Variants in PLXNA4 observed in about 807,000 individuals in gnomAD.
PLXNA4 encodes the protein plexin-A4.
PLXNA4 carries 44 observed loss-of-function variants against 191.8 expected under a neutral mutation model. The ratio of observed to expected loss-of-function variants is 0.23; its 90% CI spans 0.18 to 0.29. The LOEUF (loss-of-function observed/expected upper bound fraction) is 0.29. PLXNA4 is among the 10% of genes least tolerant of loss of function. PLXNA4 has a pLI of 1.00. For missense variants in PLXNA4, 1,800 were observed against 2,488.8 expected (o/e 0.72, Z 5.89); for synonymous variants, 1,082 against 1,009.5 (o/e 1.07, Z -1.36).
At chr7:132,220,344 A>G (rs141435196) in intron 9 of PLXNA4, among the ~76,000 whole-genome samples, 13 of 152,294 alleles carry the variant, frequency 8.5e-5, no homozygotes, top group African/African-American at 2.9e-4. Context: ...TGGCCCTGGG[A>G]TTGAGCTGGG....
At chr7:132,203,170 G>A (rs192583663) in intron 11 of PLXNA4, among the ~76,000 whole-genome samples, 153 bp downstream of exon 11, 6 of 152,232 alleles carry the variant, frequency 3.9e-5, no homozygotes, top group Non-Finnish European at 8.8e-5. Flanking sequence ...AAGCACAGAT[G>A]GTGGAGAGGC....
At chr7:132,439,020 A>G (rs577760231) in intron 3 of PLXNA4, among the ~76,000 whole-genome samples, 22 of 152,356 alleles carry the variant, frequency 1.4e-4, no homozygotes, top group African/African-American at 5.3e-4. Flanking sequence ...ATTACCGTGT[A>G]TAACGTGCTT....
chr7:132,137,093 G>T (rs1795134878), intron 30 of PLXNA4, among the ~76,000 whole-genome samples: 1 of 152,190 alleles, frequency 6.6e-6, no homozygotes, highest in African/African-American at 2.4e-5. Flanking sequence ...ATGAATTAAT[G>T]AATATGTTAA....
chr7:132,203,316 T>A lies in PLXNA4; in HGVS notation c.2395+7A>T. On this transcript the variant is annotated splice_region_variant and intron_variant, in intron 11 of 31. Transcript: ENST00000321063. The stretch of plus-strand genomic sequence containing the variant: ...CCCTCCCCTGCTAGGCCCCAGCCCT[T>A]CCACACCTTTATTCTGAGCTGGGTT... 1 of 1,606,840 alleles carries A rather than the reference T, an allele frequency of 6.2e-7. No homozygotes were observed. The highest frequency in any genetic ancestry group is 8.5e-7 in the Non-Finnish European group (1 of 1,173,774).
At chr7:132,202,440 A>G (rs1562917820) in intron 12 of PLXNA4, among the ~76,000 whole-genome samples, 1 of 152,170 alleles carries the variant, frequency 6.6e-6, no homozygotes, top group Non-Finnish European at 1.5e-5. Context: ...AGGATAGTCG[A>G]GCCCCAAAAA....
chr7:132,266,094 A>G (rs2305328), intron 4 of PLXNA4, among the ~76,000 whole-genome samples: 43,305 of 152,080 alleles, frequency 0.28, 6,403 homozygotes, highest in Admixed American at 0.41. Flanking sequence ...GCTGGAACCC[A>G]AACTGAATCC....
intron 2 of PLXNA4, among the ~76,000 whole-genome samples, chr7:132,645,011 G>A (rs545198872): frequency 1.3e-5 from 2 of 152,218 alleles, no homozygotes; most frequent in African/African-American, 4.8e-5. Context: ...ACCACACCCA[G>A]TGGCTCTGGG....
At chr7:132,259,436 C>CAAAAAAAAAAAA (rs55902635) in intron 4 of PLXNA4, among the ~76,000 whole-genome samples, 35 of 33,860 alleles carry the variant, frequency 1.0e-3, no homozygotes, top group African/African-American at 1.2e-3. Context: ...AACTCCAACT[C>CAAAAAAAAAAAA]AAAAAAAAAA....
At chr7:132,546,721 A>G (rs118062754) in intron 1 of PLXNA4, among the ~76,000 whole-genome samples, 1,542 of 152,320 alleles carry the variant, frequency 0.01, 16 homozygotes, top group Non-Finnish European at 0.016. Flanking sequence ...CTGATTGATT[A>G]TCAGATCCAC....
chr7:132,567,909 G>T (rs1031665014), intron 1 of PLXNA4, among the ~76,000 whole-genome samples: 2 of 152,180 alleles, frequency 1.3e-5, no homozygotes, highest in African/African-American at 4.8e-5. Flanking sequence ...GCAGGCCCAC[G>T]TCTCTAGGTC....
rs528247323 is a variant in PLXNA4, at chr7:132,501,617, C to A, written c.1188+5889G>T. On this transcript the variant is annotated intron_variant, in intron 2 of 31. Transcript: ENST00000321063. Reference sequence around the variant, plus strand: ...GCTACCTGTCACACAAAGCACCATGCACACTAGTCTGGGATGGGACTTTTA... The same window carrying A: ...GCTACCTGTCACACAAAGCACCATGAACACTAGTCTGGGATGGGACTTTTA... Among the ~76,000 whole-genome samples, 8 of 152,344 alleles carry A rather than the reference C, an allele frequency of 5.3e-5. No individual in the cohort carries two copies. In the South Asian group the frequency reaches 1.0e-3, roughly 20 times the overall value.
intron 21 of PLXNA4, among the ~76,000 whole-genome samples, chr7:132,171,511 G>A (rs989207686): frequency 4.6e-5 from 7 of 152,170 alleles, no homozygotes; most frequent in African/African-American, 9.7e-5. Context: ...CAGACTGGCC[G>A]GCTAAGGGAG....
chr7:132,549,032 C>G (rs1800436256), intron 1 of PLXNA4, among the ~76,000 whole-genome samples: 1 of 152,170 alleles, frequency 6.6e-6, no homozygotes, highest in African/African-American at 2.4e-5. Flanking sequence ...TGGAGGAACC[C>G]TCAGTTCTGG....
chr7:132,481,867 T>C (rs1453917260), intron 3 of PLXNA4, among the ~76,000 whole-genome samples: 2 of 152,166 alleles, frequency 1.3e-5, no homozygotes, highest in Non-Finnish European at 2.9e-5. Context: ...GTTGAGGAAG[T>C]TTCCTCACCC....
At chr7:132,507,314 C>G (rs1010499908) in intron 2 of PLXNA4, among the ~76,000 whole-genome samples, 192 bp downstream of exon 2, 5 of 152,182 alleles carry the variant, frequency 3.3e-5, no homozygotes, top group African/African-American at 1.2e-4. Flanking sequence ...CACTCTGACT[C>G]TTATACATTC....
At chr7:132,271,942 A>G (rs1336482190) in intron 4 of PLXNA4, among the ~76,000 whole-genome samples, 1 of 152,364 alleles carries the variant, frequency 6.6e-6, no homozygotes, top group African/African-American at 2.4e-5. Context: ...GGTAGAGGTG[A>G]AAAAACAGAT....
chr7:132,611,133 A>G (rs1803038285), intron 2 of PLXNA4, among the ~76,000 whole-genome samples: 1 of 152,182 alleles, frequency 6.6e-6, no homozygotes, highest in South Asian at 2.1e-4. Context: ...TAAGAGGGAG[A>G]GTTGGCTGTT....
intron 3 of PLXNA4, among the ~76,000 whole-genome samples, chr7:132,336,657 A>G (rs6956868): frequency 0.32 from 49,208 of 152,140 alleles, 11,424 homozygotes; most frequent in African/African-American, 0.65. Context: ...CTCTATACAC[A>G]AAGAAGCTAA....
chr7:132,232,467 C>T (rs984278845), intron 5 of PLXNA4, among the ~76,000 whole-genome samples: 4 of 152,152 alleles, frequency 2.6e-5, no homozygotes, highest in African/African-American at 4.8e-5. Flanking sequence ...AGAGGACACA[C>T]CAGACCCCTA....
Sources: gnomAD v4.1 joint callset for allele counts (sites outside exome capture counted in the v4.1 genomes callset) on GRCh38, gnomAD v4.1.1 for gene constraint, MANE v1.5 for transcripts, NCBI Gene and HGNC (gene_info 2026-07-23, HGNC 2026-07-21) for gene names.